The following AGPAT5 variants were observed in gnomAD, a reference collection of about 807,000 sequenced individuals.
AGPAT5 encodes the protein 1-acylglycerol-3-phosphate O-acyltransferase 5.
A neutral mutation model predicts 45.6 loss-of-function variants in AGPAT5; 46 were observed. That is an observed-to-expected ratio of 1.01 (90% CI 0.80 to 1.29). The LOEUF (loss-of-function observed/expected upper bound fraction) is 1.29, where lower values mean the gene tolerates loss of function less well. Ranked by LOEUF, AGPAT5 falls within the 50% of genes most tolerant of loss-of-function variation. The pLI, the probability that AGPAT5 is intolerant of heterozygous loss-of-function variation, is 0.00. For synonymous variants in AGPAT5, 272 were observed against 167.0 expected (o/e 1.63, Z -4.85); for missense variants, 673 against 450.7 (o/e 1.49, Z -4.47).
intron 4 of AGPAT5, among the ~76,000 whole-genome samples, chr8:6,735,188 G>C (rs1002438082): frequency 1.1e-4 from 16 of 152,096 alleles, no homozygotes; most frequent in African/African-American, 3.9e-4. Flanking sequence ...GCCTCATCGA[G>C]TATTCATCCG....
intron 6 of AGPAT5, among the ~76,000 whole-genome samples, chr8:6,749,088 C>G (rs1178666650): frequency 1.3e-5 from 2 of 152,228 alleles, no homozygotes; most frequent in Admixed American, 1.3e-4. Flanking sequence ...GTTACATTAT[C>G]TAACACTGTC....
At chr8:6,737,905 C>T (rs1801107547) in intron 4 of AGPAT5, among the ~76,000 whole-genome samples, 1 of 152,138 alleles carries the variant, frequency 6.6e-6, no homozygotes, top group Non-Finnish European at 1.5e-5. Flanking sequence ...AAGTTTTTTC[C>T]TGCCACTTCT....
rs2980688 is a variant in AGPAT5 at position 6,758,616 on chromosome 8, T to C, written c.*1228T>C. On this transcript the variant is annotated 3_prime_UTR_variant, in exon 8 of 8. Coordinates refer to ENST00000285518, the MANE Select transcript of AGPAT5 (RefSeq NM_018361.5). ...AAGCCAGTGAAATACAGACTTAATTTGTCATGACTGAACGAATTTGTTTAT... is the reference window on the plus strand; with the variant it reads ...AAGCCAGTGAAATACAGACTTAATTCGTCATGACTGAACGAATTTGTTTAT... 123,050 of 152,496 alleles carry C rather than the reference T, an allele frequency of 0.81. 50,378 individuals carry two copies. Among genetic ancestry groups the C allele is most frequent in the African/African-American group, 0.94 (39,219 of 41,566 alleles). 9.4% of individuals were successfully genotyped at this position (152,496 alleles called of 1,614,324 possible).
At chr8:6,735,500 A>T (rs1233272758) in intron 4 of AGPAT5, among the ~76,000 whole-genome samples, 1 of 152,218 alleles carries the variant, frequency 6.6e-6, no homozygotes, top group African/African-American at 2.4e-5. Flanking sequence ...CAAAATTGTT[A>T]AAATTTTTAG....
chr8:6,713,711 G>A (rs918616792), intron 1 of AGPAT5, among the ~76,000 whole-genome samples: 4 of 113,206 alleles, frequency 3.5e-5, no homozygotes, highest in Admixed American at 3.0e-4. Flanking sequence ...ACAGCACCAT[G>A]CCCAGCTAAT....
intron 2 of AGPAT5, among the ~76,000 whole-genome samples, chr8:6,726,815 C>A (rs974045638): frequency 6.6e-6 from 1 of 152,160 alleles, no homozygotes; most frequent in Non-Finnish European, 1.5e-5. Context: ...GGCACCACAT[C>A]CTCATCCCAG....
At chr8:6,721,381 C>A (rs1221741172) in intron 1 of AGPAT5, among the ~76,000 whole-genome samples, 1 of 152,204 alleles carries the variant, frequency 6.6e-6, no homozygotes, top group Non-Finnish European at 1.5e-5. Context: ...CTAGCTCTTT[C>A]TCTTATCCAT....
chr8:6,724,102 C>T (rs186051147), intron 1 of AGPAT5, among the ~76,000 whole-genome samples: 1 of 152,242 alleles, frequency 6.6e-6, no homozygotes, highest in Admixed American at 6.5e-5. Context: ...AGGACTAATA[C>T]AGGTACATCG....
intron 1 of AGPAT5, among the ~76,000 whole-genome samples, chr8:6,712,166 A>T (rs1235287356): frequency 6.6e-6 from 1 of 152,178 alleles, no homozygotes; most frequent in Non-Finnish European, 1.5e-5. Context: ...TTTAACAGAG[A>T]ACCTGGTTTT....
At chr8:6,747,901 T>C in intron 6 of AGPAT5, 73 bp downstream of exon 6, 1 of 1,464,906 alleles carries the variant, frequency 6.8e-7, no homozygotes, top group Non-Finnish European at 9.2e-7. Context: ...GAATTCAGTT[T>C]TACAAAGTAG....
At chr8:6,751,651 CT>C (rs1801657184) in intron 6 of AGPAT5, among the ~76,000 whole-genome samples, 1 of 152,152 alleles carries the variant, frequency 6.6e-6, no homozygotes, top group Non-Finnish European at 1.5e-5. Context: ...TTCACTGCTT[CT>C]TGTAATCATG....
At chr8:6,717,407 T>C (rs1329051365) in intron 1 of AGPAT5, among the ~76,000 whole-genome samples, 2 of 152,214 alleles carry the variant, frequency 1.3e-5, no homozygotes, top group Non-Finnish European at 2.9e-5. Context: ...AGGAGAGTCA[T>C]GTTAAGTCCC....
intron 4 of AGPAT5, among the ~76,000 whole-genome samples, chr8:6,736,639 T>G (rs1054969423): frequency 5.3e-5 from 8 of 152,242 alleles, no homozygotes; most frequent in Admixed American, 4.6e-4. Flanking sequence ...GGTGGGAGTG[T>G]CTTTCTCCGG....
chr8:6,725,493 T>G (rs1800655765), intron 2 of AGPAT5, among the ~76,000 whole-genome samples: 2 of 152,238 alleles, frequency 1.3e-5, no homozygotes, highest in African/African-American at 4.8e-5. Context: ...AAGATACTTC[T>G]AAAAACCTTT....
chr8:6,719,555 C>A (rs1800433408), intron 1 of AGPAT5, among the ~76,000 whole-genome samples: 1 of 152,188 alleles, frequency 6.6e-6, no homozygotes, highest in Non-Finnish European at 1.5e-5. Context: ...ATGTGGTTCA[C>A]ACTTCTTCCA....
chr8:6,743,267 T>A (rs1801298015), intron 5 of AGPAT5, among the ~76,000 whole-genome samples: 2 of 152,210 alleles, frequency 1.3e-5, no homozygotes, highest in South Asian at 4.1e-4. Context: ...TTCCTCTAAA[T>A]CCATGGCTTT....
chr8:6,736,109 C>T (rs1801045418), intron 4 of AGPAT5, among the ~76,000 whole-genome samples: 1 of 152,162 alleles, frequency 6.6e-6, no homozygotes, highest in East Asian at 1.9e-4. Context: ...GCCTCGGCCC[C>T]CCACAGTGCT....
At chr8:6,717,647 G>GTCCAAAT (rs1800373640) in intron 1 of AGPAT5, among the ~76,000 whole-genome samples, 1 of 152,222 alleles carries the variant, frequency 6.6e-6, no homozygotes, top group Non-Finnish European at 1.5e-5. Context: ...TTAACTGGGT[G>GTCCAAAT]GGAGCTGTTG....
rs1222284044 is a variant in AGPAT5 at position 6,730,481 on chromosome 8, C to T, written c.290-230C>T. Among the ~76,000 whole-genome samples the T allele has an allele frequency of 6.1e-5, 3 of 49,582 alleles. 1 individual carries two copies. The highest frequency in any genetic ancestry group is 9.4e-5 in the Non-Finnish European group (3 of 31,930). 32.5% of individuals were successfully genotyped at this position (49,582 alleles called of 152,430 possible). A position where few individuals can be genotyped will look rare whatever the true frequency, so the allele number is the denominator to read the frequency against. ...GAGTAGCTGGGACTACAGGCGCCCG[C>T]CACCTCGCCCGGCTAATTTTTTGTA... On this transcript the variant is annotated intron_variant, in intron 2 of 7. Coordinates refer to ENST00000285518, the MANE Select transcript of AGPAT5 (RefSeq NM_018361.5).
Sources: allele counts gnomAD v4.1 joint callset (sites outside exome capture counted in the v4.1 genomes callset), GRCh38; gene constraint gnomAD v4.1.1; transcripts MANE v1.5; gene names NCBI Gene and HGNC (gene_info 2026-07-23, HGNC 2026-07-21).